EPHA6: variants seen among roughly 807,000 people sequenced by gnomAD.
EPHA6 encodes the protein EPH receptor A6.
Under a neutral mutation model 112.0 loss-of-function variants are expected in EPHA6, and 50 were observed. The observed-to-expected ratio is 0.45, with a 90% CI of 0.36 to 0.56. The LOEUF is 0.56. Ranked by LOEUF, EPHA6 falls within the 20% of genes least tolerant of loss-of-function variation. EPHA6 has a pLI of 0.00. For synonymous variants in EPHA6, 529 were observed against 490.7 expected (o/e 1.08, Z -1.03); for missense variants, 1,280 against 1,417.4 (o/e 0.90, Z 1.56).
intron 3 of EPHA6, among the ~76,000 whole-genome samples, chr3:97,017,982 TC>T: frequency 6.7e-6 from 1 of 150,246 alleles, no homozygotes. Flanking sequence ...TGTTTCTTAT[TC>T]TTTTTTTTTT....
At chr3:96,826,795 T>G (rs2033690883) in intron 1 of EPHA6, among the ~76,000 whole-genome samples, 1 of 152,136 alleles carries the variant, frequency 6.6e-6, no homozygotes, top group Non-Finnish European at 1.5e-5. Flanking sequence ...GTTTTTTCAC[T>G]TTTCTTTTCC....
At chr3:96,818,869 ATTG>A (rs1160849425) in intron 1 of EPHA6, among the ~76,000 whole-genome samples, 2 of 151,930 alleles carry the variant, frequency 1.3e-5, no homozygotes, top group Non-Finnish European at 2.9e-5. Flanking sequence ...GGTTCCAGAG[ATTG>A]TTATCACATC....
chr3:97,155,306 A>T (rs1317505274), intron 3 of EPHA6, among the ~76,000 whole-genome samples: 1 of 152,196 alleles, frequency 6.6e-6, no homozygotes, highest in African/African-American at 2.4e-5. Context: ...CTTTTGCCGT[A>T]GCTGTACAGA....
chr3:96,938,229 C>G (rs936123400), intron 2 of EPHA6, among the ~76,000 whole-genome samples: 1 of 152,140 alleles, frequency 6.6e-6, no homozygotes, highest in African/African-American at 2.4e-5. Context: ...ATTGATTCTT[C>G]CAACCCATGA....
chr3:96,935,705 A>G (rs1000040392), intron 2 of EPHA6, among the ~76,000 whole-genome samples: 1 of 138,466 alleles, frequency 7.2e-6, no homozygotes, highest in African/African-American at 2.6e-5. Context: ...TATGTATATT[A>G]TATATACATT....
intron 5 of EPHA6, among the ~76,000 whole-genome samples, chr3:97,338,406 T>A (rs1414464852): frequency 6.6e-6 from 1 of 152,166 alleles, no homozygotes; most frequent in Non-Finnish European, 1.5e-5. Flanking sequence ...TCTGTGAGCA[T>A]CTACCCAGAT....
chr3:97,733,995 C>A (rs1424972662), intron 15 of EPHA6, among the ~76,000 whole-genome samples: 2 of 152,008 alleles, frequency 1.3e-5, no homozygotes, highest in African/African-American at 4.8e-5. Context: ...CAAATTTCAA[C>A]CCTGCCACTT....
Position 97,277,501 on chromosome 3 carries a change from G to A in EPHA6, c.1606+33214G>A, listed in dbSNP as rs114207876. ...AGGAACCCGCCATCTGGATGTGTAC[G>A]TGCAGTCACAGGGGATATGATGGCT... On this transcript the variant is annotated intron_variant, in intron 5 of 17. Transcript: ENST00000389672. Among the ~76,000 whole-genome samples, 24 of 152,178 alleles carry A rather than the reference G, an allele frequency of 1.6e-4. No individual in the cohort carries two copies. In the South Asian group the frequency reaches 2.9e-3, roughly 18 times the overall value.
At chr3:96,851,994 C>T (rs2035418462) in intron 1 of EPHA6, among the ~76,000 whole-genome samples, 1 of 151,680 alleles carries the variant, frequency 6.6e-6, no homozygotes, top group Non-Finnish European at 1.5e-5. Flanking sequence ...TGAATAAATA[C>T]AGTACATATT....
At chr3:97,155,847 A>G (rs1301781634) in intron 3 of EPHA6, among the ~76,000 whole-genome samples, 1 of 152,080 alleles carries the variant, frequency 6.6e-6, no homozygotes, top group Non-Finnish European at 1.5e-5. Context: ...GGAGTTTCTC[A>G]ACTGCCCCTG....
intron 3 of EPHA6, among the ~76,000 whole-genome samples, chr3:97,113,964 A>G (rs1371110026): frequency 6.6e-6 from 1 of 152,170 alleles, no homozygotes; most frequent in Admixed American, 6.6e-5. Flanking sequence ...CCTGAATTAC[A>G]GCAGAAATAT....
In EPHA6 at chr3:97,043,591, T is replaced by C. The variant is rs534112756; in HGVS notation, c.1114+55598T>C. 2.9e-4 allele frequency among the ~76,000 whole-genome samples: 44 copies of C among 152,300 alleles called. 1 individual carries two copies. In the South Asian group the frequency reaches 8.1e-3, roughly 28 times the overall value. ...ACCTTTTCAAAGCAGGCTCCACAGC[T>C]GGATCACTTCACTTCCACCCTCCCA... On this transcript the variant is annotated intron_variant, in intron 3 of 17. Coordinates refer to ENST00000389672, the MANE Select transcript of EPHA6 (RefSeq NM_001080448.3).
chr3:96,960,678 G>C (rs981957256), intron 2 of EPHA6, among the ~76,000 whole-genome samples: 1 of 152,162 alleles, frequency 6.6e-6, no homozygotes, highest in Admixed American at 6.5e-5. Flanking sequence ...GGATTCTCTA[G>C]TGTTGTTTAA....
In EPHA6 at chr3:97,612,352, T is replaced by A. The variant is rs1290589203; in HGVS notation, c.2574+1498T>A. On this transcript the variant is annotated intron_variant, in intron 13 of 17. Transcript: ENST00000389672. ...TTGGGTTAGGTTGGTTTTCTTTTTA[T>A]TTTCTTCTTTTTATTTTTGTATCAG... 6 of 398,670 alleles carry A rather than the reference T, an allele frequency of 1.5e-5. No individual in the cohort carries two copies. In the Admixed American group the frequency reaches 1.8e-4, roughly 12 times the overall value. The allele number at this position is 398,670 out of a possible 1,614,324, so 24.7% of individuals were successfully genotyped here. A position where few individuals can be genotyped will look rare whatever the true frequency, so the allele number is the denominator to read the frequency against.
intron 5 of EPHA6, among the ~76,000 whole-genome samples, chr3:97,300,065 C>T (rs1215951270): frequency 6.6e-6 from 1 of 151,996 alleles, no homozygotes; most frequent in Non-Finnish European, 1.5e-5. Flanking sequence ...GATGAAATCT[C>T]AAGAGTTGAA....
At chr3:97,113,584 A>G (rs958732222) in intron 3 of EPHA6, among the ~76,000 whole-genome samples, 6 of 152,150 alleles carry the variant, frequency 3.9e-5, no homozygotes, top group African/African-American at 1.4e-4. Context: ...CACTCTTTGC[A>G]GCTGAAATAA....
intron 5 of EPHA6, among the ~76,000 whole-genome samples, chr3:97,348,150 G>A (rs2083626911): frequency 6.6e-6 from 1 of 152,044 alleles, no homozygotes. Context: ...GAATAGAGGA[G>A]TACATGATTC....
At chr3:96,887,022 C>T (rs915517089) in intron 2 of EPHA6, among the ~76,000 whole-genome samples, 5 of 152,218 alleles carry the variant, frequency 3.3e-5, no homozygotes, top group African/African-American at 2.4e-5. Context: ...CATTGGGGTT[C>T]GCCTTCCTCT....
intron 3 of EPHA6, among the ~76,000 whole-genome samples, chr3:97,165,471 G>A (rs1463025624): frequency 6.6e-6 from 1 of 152,106 alleles, no homozygotes; most frequent in African/African-American, 2.4e-5. Flanking sequence ...TTGGTGAGCT[G>A]CAGGTGGCAT....
Sources: allele counts gnomAD v4.1 joint callset (sites outside exome capture counted in the v4.1 genomes callset), GRCh38; gene constraint gnomAD v4.1.1; transcripts MANE v1.5; gene names NCBI Gene and HGNC (gene_info 2026-07-23, HGNC 2026-07-21).